RIBC1: variants seen among roughly 807,000 people sequenced by gnomAD.
RIBC1 encodes the protein RIB43A-like with coiled-coils protein 1.
RIBC1 carries 12 observed loss-of-function variants against 33.7 expected under a neutral mutation model. The observed-to-expected ratio is 0.36, with a 90% CI of 0.23 to 0.58. The LOEUF (loss-of-function observed/expected upper bound fraction) is 0.58. Among genes scored for constraint, RIBC1 ranks in the 20% least tolerant of loss-of-function variants. The pLI is 0.81. For synonymous variants in RIBC1, 89 were observed against 109.0 expected, an observed-to-expected ratio of 0.82 and a Z score of 1.14; for missense variants, 242 against 311.6, an observed-to-expected ratio of 0.78 and a Z score of 1.68.
In RIBC1 at chrX:53,425,145, G is replaced by A. The variant is rs1262611160; in HGVS notation, c.1-1132G>A. On this transcript the variant is annotated intron_variant, in intron 2 of 7. Transcript: ENST00000375327. ...GCTATAGGAGGAATTAAAGAATCAC[G>A]CTCCAAACAAAGGAACAGCACATAC... Among the ~76,000 whole-genome samples the A allele has an allele frequency of 3.6e-5, 4 of 111,847 alleles. No individual in the cohort carries two copies. In the East Asian group the frequency reaches 8.3e-4, roughly 23 times the overall value.
intron 6 of RIBC1, 47 bp downstream of exon 6, chrX:53,430,019 A>G (rs782689673): frequency 9.6e-7 from 1 of 1,036,949 alleles, no homozygotes; most frequent in Admixed American, 2.3e-5. Flanking sequence ...CAACTCCTGA[A>G]CAAAATCCTG....
rs781950833 is a variant in RIBC1 at position 53,430,436 on chromosome X, G to A, written c.704G>A (p.Arg235His). The A allele has an allele frequency of 2.5e-6, 3 of 1,211,387 alleles. No homozygotes were observed. Among genetic ancestry groups the A allele is most frequent in the African/African-American group, 1.7e-5 (1 of 57,775 alleles). ...GGGCGTCAGCGCTGTGAGCGTCAGC[G>A]TGAACAGAAGGCCAACCTTGCGGAG... The part of the protein sequence containing the change: ...QAGRQRCERQ[R>H]EQKANLAEIQ... Residue 235 changes from arginine to histidine, a missense_variant, in exon 7 of 8, where the codon CGT becomes CAT. Transcript: ENST00000375327.
At chrX:53,423,101 G>A (rs1556892555) in intron 1 of RIBC1, 97 bp downstream of exon 1, 1 of 170,007 alleles carries the variant, frequency 5.9e-6, no homozygotes, top group Non-Finnish European at 1.1e-5. Context: ...CGGAGAGCTG[G>A]ACGGGAAGGA....
chrX:53,426,440 T>C (rs1556893244), intron 3 of RIBC1, 47 bp downstream of exon 3: 7 of 827,318 alleles, frequency 8.5e-6, no homozygotes, highest in Middle Eastern at 2.9e-4. Flanking sequence ...GCCACCTCAC[T>C]CTTACACCTG....
At chrX:53,430,832 G>C (rs1556894326) in intron 7 of RIBC1, 42 bp downstream of exon 7, 1 of 1,206,505 alleles carries the variant, frequency 8.3e-7, no homozygotes, top group South Asian at 1.8e-5. Context: ...TGCCAAGGGA[G>C]GGAGAGGAGG....
intron 5 of RIBC1, chrX:53,429,149 A>G (rs905533351): frequency 7.6e-5 from 9 of 118,854 alleles, no homozygotes; most frequent in Non-Finnish European, 1.4e-4. Context: ...TTGTGAAAGT[A>G]TTTGTTTAAT....
Position 53,428,397 on chromosome X carries a change from T to G in RIBC1, c.314T>G (p.Leu105Arg). 1 of 1,211,241 alleles carries G rather than the reference T, an allele frequency of 8.3e-7. No homozygotes were observed. Among genetic ancestry groups the G allele is most frequent in the East Asian group, 3.0e-5 (1 of 33,849 alleles). Residue 105 changes from leucine (L) to arginine (R), a missense_variant, in exon 5 of 8, where the codon CTC (leucine) becomes CGC (arginine). Physicochemically the swap from Leu to Arg is moderately radical, Grantham distance 102. Coordinates refer to ENST00000375327, the MANE Select transcript of RIBC1 (RefSeq NM_001031745.5). ...GAGTTTCGGGAGCAGAAGCAGCAGCTCAAGAACGGGCGTGAATTTAGTCTT... is the reference window on the plus strand; with the variant it reads ...GAGTTTCGGGAGCAGAAGCAGCAGCGCAAGAACGGGCGTGAATTTAGTCTT... ...VQEFREQKQQ[L>R]KNGREFSLWD...
chrX:53,426,877 T>C (rs2075794902), intron 3 of RIBC1, among the ~76,000 whole-genome samples: 1 of 111,373 alleles, frequency 9.0e-6, no homozygotes. Context: ...TCCCAGCTAC[T>C]TGGGAGGCTG....
In RIBC1 at chrX:53,428,040, G is replaced by C. The variant is rs142546210; in HGVS notation, c.155G>C (p.Arg52Pro). 7 of 1,210,310 alleles carry C rather than the reference G, an allele frequency of 5.8e-6. No individual in the cohort carries two copies. Among genetic ancestry groups the C allele is most frequent in the Middle Eastern group, 2.3e-4 (1 of 4,294 alleles). Residue 52 changes from arginine (R) to proline (P), a missense_variant, in exon 4 of 8, where the codon CGA becomes CCA. Physicochemically the swap from Arg to Pro is moderately radical, Grantham distance 103. Coordinates refer to ENST00000375327, the MANE Select transcript of RIBC1 (RefSeq NM_001031745.5). ...VQALNNQVGD[R>P]KRREAAERSK... ...GCCCTGAACAACCAGGTGGGAGACC[G>C]AAAGCGTCGGGAAGCAGCAGAAAGA...
intron 6 of RIBC1, among the ~76,000 whole-genome samples, chrX:53,430,175 G>A (rs782601090): frequency 4.5e-5 from 5 of 112,344 alleles, no homozygotes; most frequent in Admixed American, 1.9e-4. Flanking sequence ...CTTGAGAATA[G>A]AACATTGCCC....
chrX:53,424,430 C>A (rs1199592713), intron 2 of RIBC1, among the ~76,000 whole-genome samples: 1 of 109,835 alleles, frequency 9.1e-6, no homozygotes, highest in Non-Finnish European at 1.9e-5. Context: ...CAGAGAGAGA[C>A]CCCATCTAAA....
At chrX:53,423,651 G>T (rs1314532652) in intron 2 of RIBC1, among the ~76,000 whole-genome samples, 3 of 112,245 alleles carry the variant, frequency 2.7e-5, no homozygotes, top group Non-Finnish European at 3.8e-5. Flanking sequence ...GAAACCAGTA[G>T]GTAAGTTGGT....
At position 53,430,674 on chromosome X, in the gene RIBC1, C is replaced by T. The variant is rs1264013; in HGVS notation, c.942C>T (p.Thr314=). 0.44 allele frequency: 529,804 copies of T among 1,201,851 alleles called. 82,331 individuals are homozygous for T. Among genetic ancestry groups the T allele is most frequent in the African/African-American group, 0.8 (45,220 of 56,748 alleles). Residue 314 remains threonine, a synonymous_variant, in exon 7 of 8, where the codon ACC becomes ACT. Coordinates refer to ENST00000375327, the MANE Select transcript of RIBC1 (RefSeq NM_001031745.5). ...KTLDTEWKSQ[T]MSSAQAVLEL... ...TGGATACTGAATGGAAAAGCCAGAC[C>T]ATGAGCTCAGCCCAGGCAGTGCTGG...
intron 5 of RIBC1, chrX:53,429,588 T>C: frequency 1.5e-6 from 1 of 683,184 alleles, no homozygotes; most frequent in Non-Finnish European, 1.9e-6. Context: ...TTCAGAGATA[T>C]GAAATGATTT....
chrX:53,423,981 G>A (rs2146616529), intron 2 of RIBC1, among the ~76,000 whole-genome samples: 1 of 111,493 alleles, frequency 9.0e-6, no homozygotes, highest in Non-Finnish European at 1.9e-5. Context: ...TGCCGAAGCA[G>A]GAGGATCACT....
At chrX:53,428,892 G>A in intron 5 of RIBC1, 1 of 900,185 alleles carries the variant, frequency 1.1e-6, no homozygotes, top group Non-Finnish European at 1.4e-6. Flanking sequence ...CCACTTACTA[G>A]CTGGTTTGGG....
chrX:53,428,626 A>G lies in RIBC1; in HGVS notation c.543A>G (p.Thr181=). The part of the protein sequence containing the change: ...QQQAKVDENY[T]DALSNQLRLA... Reference sequence around the variant, plus strand: ...AAGCCAAGGTTGATGAGAATTATACAGGTAAGCAGCCCGGCCCTCCAGACT... The same window carrying G: ...AAGCCAAGGTTGATGAGAATTATACGGGTAAGCAGCCCGGCCCTCCAGACT... The change falls in exon 5 of 8, where the codon ACA becomes ACG. Residue 181 remains threonine, a splice_region_variant and synonymous_variant. Transcript: ENST00000375327. 2 of 1,209,769 alleles carry G rather than the reference A, an allele frequency of 1.7e-6. No individual in the cohort carries two copies. The highest frequency in any genetic ancestry group is 1.7e-5 in the African/African-American group (1 of 57,719).
intron 5 of RIBC1, 41 bp from the exon 6 acceptor site, chrX:53,429,813 A>G: frequency 8.4e-7 from 1 of 1,183,846 alleles, no homozygotes; most frequent in South Asian, 1.8e-5. Context: ...ACAGGAATGG[A>G]GCAAGCCAGT....
intron 6 of RIBC1, 42 bp from the exon 7 acceptor site, chrX:53,430,354 G>A (rs2075816649): frequency 1.8e-6 from 2 of 1,127,729 alleles, no homozygotes; most frequent in Admixed American, 2.4e-5. Flanking sequence ...AGAGTTCCCT[G>A]AGGTTGGGCA....
Sources: allele counts gnomAD v4.1 joint callset (sites outside exome capture counted in the v4.1 genomes callset), GRCh38; gene constraint gnomAD v4.1.1; transcripts MANE v1.5; gene names NCBI Gene and HGNC (gene_info 2026-07-23, HGNC 2026-07-21).